ZC3H12B: variants seen among roughly 807,000 people sequenced by gnomAD.
ZC3H12B encodes the protein zinc finger CCCH-type containing 12B, also known as probable ribonuclease ZC3H12B.
ZC3H12B carries 7 observed loss-of-function variants against 43.9 expected under a neutral mutation model. That is an observed-to-expected ratio of 0.16 (90% confidence interval 0.09 to 0.30). The LOEUF is 0.30. Ranked by LOEUF, ZC3H12B falls within the 10% of genes least tolerant of loss-of-function variation. The probability of loss-of-function intolerance (pLI) is 1.00; values close to 1 mark genes in which losing one functional copy is unlikely to be tolerated. For synonymous variants in ZC3H12B, 222 were observed against 241.7 expected, an observed-to-expected ratio of 0.92 and a Z score of 0.76; for missense variants, 475 against 670.2, an observed-to-expected ratio of 0.71 and a Z score of 3.22.
chrX:65,200,383 T>G, the ZC3H12B span, among the ~76,000 whole-genome samples: 1 of 109,207 alleles, frequency 9.2e-6, no homozygotes, highest in Admixed American at 9.9e-5. Flanking sequence ...AAAAATTTTC[T>G]CTTATTCTGT....
intron 3 of ZC3H12B, among the ~76,000 whole-genome samples, chrX:65,404,516 C>T (rs7878024): frequency 0.083 from 9,223 of 111,010 alleles, 1,033 homozygotes; most frequent in African/African-American, 0.29. Flanking sequence ...AAAAGACATT[C>T]CATGCCAATG....
At chrX:65,356,248 A>G in the ZC3H12B span, among the ~76,000 whole-genome samples, 24 of 111,706 alleles carry the variant, frequency 2.1e-4, no homozygotes, top group Non-Finnish European at 2.8e-4. Flanking sequence ...TTGTGGGCAT[A>G]AAATTGTCAG....
At chrX:65,261,904 C>A in the ZC3H12B span, among the ~76,000 whole-genome samples, 2 of 110,600 alleles carry the variant, frequency 1.8e-5, no homozygotes, top group Non-Finnish European at 3.8e-5. Flanking sequence ...CCTAAATATG[C>A]AGATGCTTAG....
At chrX:65,190,094 G>T in the ZC3H12B span, among the ~76,000 whole-genome samples, 2 of 111,357 alleles carry the variant, frequency 1.8e-5, no homozygotes, top group East Asian at 2.8e-4. Context: ...GTTTGTCAAA[G>T]ATCAGATAGT....
chrX:65,470,465 G>T (rs2067894826), intron 3 of ZC3H12B: 1 of 110,927 alleles, frequency 9.0e-6, no homozygotes, highest in Non-Finnish European at 1.9e-5. Context: ...GGAAATGTGG[G>T]TGTGTATGTG....
At chrX:65,265,120 T>A in the ZC3H12B span, among the ~76,000 whole-genome samples, 1 of 111,948 alleles carries the variant, frequency 8.9e-6, no homozygotes, top group Non-Finnish European at 1.9e-5. Flanking sequence ...CAAGTACTAT[T>A]TTATGTAGAT....
the ZC3H12B span, among the ~76,000 whole-genome samples, chrX:65,131,033 CT>C: frequency 1.8e-5 from 2 of 111,959 alleles, no homozygotes; most frequent in African/African-American, 6.5e-5. Flanking sequence ...GAGGAAACCT[CT>C]TTCAGCCCAT....
the ZC3H12B span, among the ~76,000 whole-genome samples, chrX:65,171,505 A>C: frequency 2.7e-5 from 3 of 111,085 alleles, no homozygotes; most frequent in African/African-American, 9.8e-5. Context: ...CCACTTGAGG[A>C]GGCAGTCTGA....
At chrX:65,230,684 G>A in the ZC3H12B span, among the ~76,000 whole-genome samples, 4 of 108,729 alleles carry the variant, frequency 3.7e-5, no homozygotes, top group East Asian at 2.9e-4. Context: ...TATATTCAGC[G>A]TTTTTCTTCA....
the ZC3H12B span, among the ~76,000 whole-genome samples, chrX:65,131,393 G>T: frequency 1.8e-5 from 2 of 111,485 alleles, no homozygotes; most frequent in South Asian, 3.8e-4. Flanking sequence ...AAACAGTAAG[G>T]TTAAGTTGTT....
At chrX:65,335,595 G>T in the ZC3H12B span, among the ~76,000 whole-genome samples, 2 of 110,663 alleles carry the variant, frequency 1.8e-5, no homozygotes, top group Non-Finnish European at 3.8e-5. Context: ...TCAACAAATT[G>T]TAAAGGTCAT....
At chrX:65,322,416 G>T in the ZC3H12B span, among the ~76,000 whole-genome samples, 3 of 112,220 alleles carry the variant, frequency 2.7e-5, no homozygotes, top group Middle Eastern at 0.014. Context: ...TGATTTTTGT[G>T]TGTGGTGTGA....
chrX:65,492,474 G>A (rs5964442), intron 1 of ZC3H12B, among the ~76,000 whole-genome samples: 26,970 of 111,698 alleles, frequency 0.24, 7,715 homozygotes, highest in African/African-American at 0.83. Flanking sequence ...ATAGAGCCAA[G>A]AAATAGCATG....
chrX:65,086,791 A>G, the ZC3H12B span, among the ~76,000 whole-genome samples: 1 of 111,708 alleles, frequency 9.0e-6, no homozygotes, highest in South Asian at 3.7e-4. Context: ...AAGCTACCCA[A>G]TTTATGGTAT....
chrX:65,176,799 C>A, the ZC3H12B span, among the ~76,000 whole-genome samples: 1 of 111,181 alleles, frequency 9.0e-6, no homozygotes, highest in South Asian at 3.8e-4. Flanking sequence ...AGCCTACCAA[C>A]CAAAAAAAGC....
chrX:65,224,577 C>T, the ZC3H12B span, among the ~76,000 whole-genome samples: 3 of 112,609 alleles, frequency 2.7e-5, no homozygotes, highest in South Asian at 3.6e-4. Context: ...GAGGCATTGC[C>T]TCACTCGGGA....
At chrX:65,351,113 C>T in the ZC3H12B span, among the ~76,000 whole-genome samples, 1 of 111,474 alleles carries the variant, frequency 9.0e-6, no homozygotes, top group African/African-American at 3.3e-5. Context: ...GGTACTGGTA[C>T]CAAAACAGAT....
the ZC3H12B span, among the ~76,000 whole-genome samples, chrX:65,332,790 A>G: frequency 1.8e-5 from 2 of 111,912 alleles, no homozygotes; most frequent in African/African-American, 6.5e-5. Context: ...CTGTTATTAG[A>G]TAACATAGTA....
At chrX:65,070,150 C>T in the ZC3H12B span, among the ~76,000 whole-genome samples, 2 of 107,928 alleles carry the variant, frequency 1.9e-5, no homozygotes, top group African/African-American at 6.7e-5. Context: ...GATTCAATGT[C>T]TTTTTTATTT....
Sources: gnomAD v4.1 joint callset for allele counts (sites outside exome capture counted in the v4.1 genomes callset) on GRCh38, gnomAD v4.1.1 for gene constraint, MANE v1.5 for transcripts, NCBI Gene and HGNC (gene_info 2026-07-23, HGNC 2026-07-21) for gene names.